Variants in AKAP19 observed in about 807,000 individuals in gnomAD.
AKAP19 encodes the protein small A-kinase anchoring protein.
chr2:190,152,711 A>G, the AKAP19 span, among the ~76,000 whole-genome samples: 1 of 152,194 alleles, frequency 6.6e-6, no homozygotes, highest in African/African-American at 2.4e-5. Context: ...GTAACTTATC[A>G]ATGTAATACA....
chr2:190,144,050 T>C, the AKAP19 span, among the ~76,000 whole-genome samples: 6 of 141,900 alleles, frequency 4.2e-5, no homozygotes, highest in Middle Eastern at 3.4e-3. Context: ...AGGGATAGTA[T>C]TGGGAGATAT....
chr2:189,982,963 G>A, the AKAP19 span, among the ~76,000 whole-genome samples: 2 of 152,100 alleles, frequency 1.3e-5, no homozygotes, highest in Non-Finnish European at 2.9e-5. Context: ...GTTTAGTGGT[G>A]CAGTTCAGCC....
chr2:190,172,369 G>A, the AKAP19 span, among the ~76,000 whole-genome samples: 1 of 152,034 alleles, frequency 6.6e-6, no homozygotes, highest in Non-Finnish European at 1.5e-5. Flanking sequence ...GCTCTATGTT[G>A]GAATTGCCAA....
the AKAP19 span, among the ~76,000 whole-genome samples, chr2:189,892,099 TCTC>T: frequency 6.6e-6 from 1 of 152,100 alleles, no homozygotes; most frequent in South Asian, 2.1e-4. Flanking sequence ...TTTATGTTCT[TCTC>T]TAAACTGGTT....
the AKAP19 span, among the ~76,000 whole-genome samples, chr2:189,978,497 T>C: frequency 0.015 from 2,210 of 152,242 alleles, 17 homozygotes; most frequent in Non-Finnish European, 0.022. Flanking sequence ...GGTGCATGCT[T>C]GTAGTCCCAG....
the AKAP19 span, among the ~76,000 whole-genome samples, chr2:190,038,889 TTTCTTTCTTTCTTTCTTC>T: frequency 2.6e-5 from 1 of 38,638 alleles, no homozygotes; most frequent in East Asian, 1.4e-3. Flanking sequence ...TCTTTCTTTC[TTTCTTTCTTTCTTTCTTC>T]TTCTTCTTCT....
chr2:190,181,069 C>T, the AKAP19 span: 682 of 985,482 alleles, frequency 6.9e-4, 1 homozygote, highest in Non-Finnish European at 8.0e-4. Flanking sequence ...CACGGCTGTC[C>T]GGACGTGCCA....
the AKAP19 span, among the ~76,000 whole-genome samples, chr2:190,158,243 C>CAA: frequency 6.6e-6 from 1 of 152,158 alleles, no homozygotes; most frequent in African/African-American, 2.4e-5. Flanking sequence ...AGTAGCTTGC[C>CAA]AATGCTCCCA....
At chr2:189,990,801 AC>A in the AKAP19 span, among the ~76,000 whole-genome samples, 3 of 152,094 alleles carry the variant, frequency 2.0e-5, no homozygotes, top group African/African-American at 7.2e-5. Flanking sequence ...ATTTTGGTGC[AC>A]CCATCACCTG....
At chr2:190,127,803 T>C in the AKAP19 span, among the ~76,000 whole-genome samples, 390 of 152,294 alleles carry the variant, frequency 2.6e-3, 3 homozygotes, top group African/African-American at 8.9e-3. Context: ...CCAGATGGCC[T>C]TAAACAGTGT....
chr2:189,899,395 C>T, the AKAP19 span, among the ~76,000 whole-genome samples: 1 of 152,142 alleles, frequency 6.6e-6, no homozygotes, highest in East Asian at 1.9e-4. Context: ...GTGATCTCCT[C>T]TCCTTCATAT....
the AKAP19 span, chr2:190,057,474 A>G: frequency 1.2e-6 from 2 of 1,613,580 alleles, no homozygotes; most frequent in South Asian, 1.1e-5. Flanking sequence ...AATTGGCCTT[A>G]TATCTTTTAG....
the AKAP19 span, among the ~76,000 whole-genome samples, chr2:190,021,712 T>C: frequency 6.6e-6 from 1 of 152,326 alleles, no homozygotes; most frequent in South Asian, 2.1e-4. Context: ...GCATTTGCTG[T>C]GGAGGTGCCA....
the AKAP19 span, among the ~76,000 whole-genome samples, chr2:190,133,235 CAAAAAA>C: frequency 1.2e-4 from 7 of 58,102 alleles, no homozygotes; most frequent in African/African-American, 5.6e-4. Context: ...GAGACTCTGC[CAAAAAA>C]AAAAAAAAAA....
the AKAP19 span, chr2:189,923,916 T>C: frequency 1.9e-6 from 3 of 1,610,974 alleles, no homozygotes; most frequent in Non-Finnish European, 2.5e-6. Context: ...AAACAAAAAG[T>C]GGATTCTTTC....
At chr2:190,141,127 A>G in the AKAP19 span, among the ~76,000 whole-genome samples, 1,665 of 152,276 alleles carry the variant, frequency 0.011, 20 homozygotes, top group Non-Finnish European at 0.015. Context: ...CACTATCAGT[A>G]TTTTGGTCAA....
chr2:189,979,431 A>C, the AKAP19 span, among the ~76,000 whole-genome samples: 1 of 152,224 alleles, frequency 6.6e-6, no homozygotes, highest in East Asian at 1.9e-4. Flanking sequence ...AATTAACTCA[A>C]GATGGATTAA....
At chr2:190,069,170 G>GTGTGTGTC in the AKAP19 span, among the ~76,000 whole-genome samples, 1,006 of 146,444 alleles carry the variant, frequency 6.9e-3, 37 homozygotes, top group East Asian at 0.12. Context: ...GTGTGTGTGT[G>GTGTGTGTC]TGTGTGAGAG....
the AKAP19 span, among the ~76,000 whole-genome samples, chr2:190,084,727 G>C: frequency 6.6e-6 from 1 of 152,154 alleles, no homozygotes. Context: ...GAAGGGACAC[G>C]GGAGTACGAT....
Sources: gnomAD v4.1 joint callset for allele counts (sites outside exome capture counted in the v4.1 genomes callset) on GRCh38, gnomAD v4.1.1 for gene constraint, MANE v1.5 for transcripts, NCBI Gene and HGNC (gene_info 2026-07-23, HGNC 2026-07-21) for gene names.